Variants in KYAT1 observed in about 807,000 individuals in gnomAD.
The protein encoded by KYAT1 is kynurenine aminotransferase 1.
Under a neutral mutation model 52.4 loss-of-function variants are expected in KYAT1, and 47 were observed. That is an observed-to-expected ratio of 0.90 (90% CI 0.71 to 1.14). The LOEUF is 1.14. Among genes scored for constraint, KYAT1 ranks in the 50% most tolerant of loss-of-function variants. The pLI, the probability that KYAT1 is intolerant of heterozygous loss-of-function variation, is 0.00. For missense variants in KYAT1, 480 were observed against 557.9 expected (o/e 0.86, Z 1.41); for synonymous variants, 212 against 209.6 (o/e 1.01, Z -0.10).
In KYAT1 at chr9:128,838,369, T is replaced by G; in HGVS notation, c.202-2A>C. The stretch of plus-strand genomic sequence containing the variant: ...GATCTTCGTCAGTGGTGGGTAACCC[T>G]GCCAGGACAGCAGGGGTTAACTGTC... On this transcript the variant is annotated splice_acceptor_variant, in intron 3 of 12. Transcript: ENST00000302586. LOFTEE classifies it high-confidence loss of function. 1.2e-6 allele frequency: 2 copies of G among 1,614,104 alleles called. No homozygotes were observed. Among genetic ancestry groups the G allele is most frequent in the Non-Finnish European group, 1.7e-6 (2 of 1,180,026 alleles).
intron 3 of KYAT1, among the ~76,000 whole-genome samples, chr9:128,841,531 A>C (rs1056195951): frequency 3.2e-4 from 48 of 151,834 alleles, no homozygotes; most frequent in Non-Finnish European, 5.3e-4. Context: ...GTCTTAAAAA[A>C]AAAACAAAAC....
chr9:128,842,134 A>G (rs913363506), intron 3 of KYAT1: 1 of 358,022 alleles, frequency 2.8e-6, no homozygotes, highest in Admixed American at 2.8e-5. Context: ...TCAAGGCTGC[A>G]GTGGACCATG....
chr9:128,841,565 G>A (rs1028259819), intron 3 of KYAT1, among the ~76,000 whole-genome samples: 1 of 151,456 alleles, frequency 6.6e-6, no homozygotes, highest in Non-Finnish European at 1.5e-5. Context: ...GCGTGGGGGC[G>A]CACCCCTATA....
intron 1 of KYAT1, among the ~76,000 whole-genome samples, chr9:128,853,590 G>GT (rs1257390786): frequency 1.3e-5 from 2 of 152,160 alleles, no homozygotes; most frequent in Non-Finnish European, 2.9e-5. Context: ...ACAACAAACT[G>GT]TAAGAAAAAG....
Position 128,838,235 on chromosome 9 carries a change from C to T in KYAT1, c.334G>A (p.Val112Met), listed in dbSNP as rs761715176. The T allele has an allele frequency of 2.4e-5, 38 of 1,614,116 alleles. No individual in the cohort carries two copies. Among genetic ancestry groups the T allele is most frequent in the Non-Finnish European group, 3.2e-5 (38 of 1,180,054 alleles). ...CCACTCACCTCGTCTCCTTCGTCCA[C>T]CAGGGCCTGGAAGGCTGTGAACAGG... is the stretch of plus-strand genomic sequence containing the variant. Reference protein sequence around the residue: ...GALFTAFQALVDEGDEVIIIE... With the variant: ...GALFTAFQALMDEGDEVIIIE... Residue 112 changes from valine to methionine, a missense_variant, in exon 4 of 13, where the codon GTG becomes ATG. Coordinates refer to ENST00000302586, the MANE Select transcript of KYAT1 (RefSeq NM_004059.5).
intron 1 of KYAT1, among the ~76,000 whole-genome samples, chr9:128,855,988 G>C (rs1349523960): frequency 6.6e-6 from 1 of 152,156 alleles, no homozygotes; most frequent in African/African-American, 2.4e-5. Flanking sequence ...AATGATCGTA[G>C]ACAAACTGTC....
chr9:128,864,925 C>A (rs1057102185), intron 1 of KYAT1, among the ~76,000 whole-genome samples: 25 of 151,640 alleles, frequency 1.6e-4, no homozygotes, highest in Non-Finnish European at 2.9e-4. Context: ...CACTTTTAAT[C>A]CTATAAGAAA....
At chr9:128,842,856 T>C in intron 2 of KYAT1, 55 bp from the exon 3 acceptor site, 1 of 1,556,158 alleles carries the variant, frequency 6.4e-7, no homozygotes, top group Non-Finnish European at 8.7e-7. Context: ...TGACCTGGAC[T>C]TCGGCCTGTT....
intron 1 of KYAT1, chr9:128,846,858 T>G: frequency 1.3e-6 from 2 of 1,535,044 alleles, no homozygotes; most frequent in Non-Finnish European, 1.7e-6. Context: ...CTCAGCCACC[T>G]GCTGTGGTCA....
intron 1 of KYAT1, among the ~76,000 whole-genome samples, chr9:128,866,158 G>C (rs765292019): frequency 1.3e-5 from 2 of 152,118 alleles, no homozygotes; most frequent in African/African-American, 4.8e-5. Context: ...TCCAAGGAGC[G>C]CACAATCTAA....
chr9:128,876,967 C>T lies in KYAT1; in HGVS notation c.-7+4930G>A, dbSNP rs112121994. Among the ~76,000 whole-genome samples the T allele has an allele frequency of 4.5e-3, 686 of 151,846 alleles. 7 individuals are homozygous for T. Among genetic ancestry groups the T allele is most frequent in the African/African-American group, 0.016 (655 of 41,406 alleles). On this transcript the variant is annotated intron_variant, in intron 1 of 12. Transcript: ENST00000302586. ...AGGCTGGAGTGTAATGGCACGATCT[C>T]GGCTCACTGCAACCTCTGCCTCCCG...
Position 128,832,988 on chromosome 9 carries a change from T to G in KYAT1, c.*596A>C, listed in dbSNP as rs1337864539. 1 of 153,940 alleles carries G rather than the reference T, an allele frequency of 6.5e-6. No homozygotes were observed. Among genetic ancestry groups the G allele is most frequent in the African/African-American group, 2.4e-5 (1 of 41,446 alleles). 9.5% of individuals were successfully genotyped at this position (153,940 alleles called of 1,614,324 possible). Reference sequence around the variant, plus strand: ...GAGGGCCTTGGGTGCTAGGCCTGGTTGTGCCACTATGTGACTACAGTAACC... The same window carrying G: ...GAGGGCCTTGGGTGCTAGGCCTGGTGGTGCCACTATGTGACTACAGTAACC... On this transcript the variant is annotated 3_prime_UTR_variant, in exon 13 of 13. Transcript: ENST00000302586.
rs753643947 is a variant in KYAT1, at chr9:128,837,731, C to G, written c.521G>C (p.Arg174Pro). Residue 174 changes from arginine to proline, a missense_variant, in exon 6 of 13, where the codon CGC (arginine) becomes CCC (proline). Physicochemically the swap from Arg to Pro is moderately radical, Grantham distance 103 (BLOSUM62 -2). Coordinates refer to ENST00000302586, the MANE Select transcript of KYAT1 (RefSeq NM_004059.5). ...GGTGTTGAGGACCAGGGCTTTGGTG[C>G]GTGATGTGAATTTGCCGGCCAGCTC... ...PMELAGKFTS[R>P]TKALVLNTPN... 35 of 1,614,096 alleles carry G rather than the reference C, an allele frequency of 2.2e-5. No homozygotes were observed. The highest frequency in any genetic ancestry group is 2.7e-5 in the Non-Finnish European group (32 of 1,179,996).
chr9:128,846,931 A>G, intron 1 of KYAT1: 1 of 1,309,482 alleles, frequency 7.6e-7, no homozygotes, highest in Non-Finnish European at 1.0e-6. Flanking sequence ...CTGCACTCTC[A>G]CTAGAGGTGC....
At chr9:128,857,001 A>G (rs935067550) in intron 1 of KYAT1, among the ~76,000 whole-genome samples, 37 of 152,370 alleles carry the variant, frequency 2.4e-4, no homozygotes, top group South Asian at 1.2e-3. Context: ...AAACCTGATT[A>G]TACATTTGTT....
At chr9:128,879,962 G>A (rs1366335005) in intron 1 of KYAT1, among the ~76,000 whole-genome samples, 2 of 152,240 alleles carry the variant, frequency 1.3e-5, no homozygotes, top group African/African-American at 4.8e-5. Context: ...AGCTAAGGGA[G>A]AGGCCTGGGA....
intron 1 of KYAT1, among the ~76,000 whole-genome samples, chr9:128,877,370 T>C (rs180712025): frequency 2.0e-5 from 3 of 152,312 alleles, no homozygotes; most frequent in Non-Finnish European, 4.4e-5. Flanking sequence ...TACCTGTGCC[T>C]GACCCTCTCC....
chr9:128,837,331 T>C (rs541752941), intron 6 of KYAT1, among the ~76,000 whole-genome samples: 1 of 152,332 alleles, frequency 6.6e-6, no homozygotes. Context: ...CCAAGCCCAG[T>C]GCTAAGGGCT....
intron 2 of KYAT1, 111 bp from the exon 3 acceptor site, chr9:128,842,912 A>T (rs976369218): frequency 8.0e-6 from 9 of 1,124,440 alleles, no homozygotes; most frequent in African/African-American, 1.6e-5. Context: ...CACGCCTGTA[A>T]TCCCAGCACT....
Sources: gnomAD v4.1 joint callset for allele counts (sites outside exome capture counted in the v4.1 genomes callset) on GRCh38, gnomAD v4.1.1 for gene constraint, MANE v1.5 for transcripts, NCBI Gene and HGNC (gene_info 2026-07-23, HGNC 2026-07-21) for gene names.